DYRK3: variants seen among roughly 807,000 people sequenced by gnomAD.
The protein encoded by DYRK3 is dual specificity tyrosine-phosphorylation-regulated kinase 3.
A neutral mutation model predicts 40.8 loss-of-function variants in DYRK3; 30 were observed. That is an observed-to-expected ratio of 0.74 (90% CI 0.55 to 1.00). DYRK3 has a LOEUF of 1.00. DYRK3 is among the 50% of genes least tolerant of loss of function. The pLI, the probability that DYRK3 is intolerant of heterozygous loss-of-function variation, is 0.00. For missense variants in DYRK3, 699 were observed against 731.5 expected (o/e 0.96, Z 0.51); for synonymous variants, 272 against 260.7 (o/e 1.04, Z -0.42).
chr1:206,654,227 G>A lies in DYRK3; in HGVS notation c.*5262G>A, dbSNP rs1671698747. ...GGAAGTTGGAAAGGTGACAATGATT[G>A]TTCTAGACTGCCTCTGTAATGCTTT... is the stretch of plus-strand genomic sequence containing the variant. On this transcript the variant is annotated 3_prime_UTR_variant, in exon 3 of 3. Transcript: ENST00000367109. Among the ~76,000 whole-genome samples, 1 of 152,196 alleles carries A rather than the reference G, an allele frequency of 6.6e-6. No homozygotes were observed.
chr1:206,638,141 T>C (rs1671169721), intron 2 of DYRK3, among the ~76,000 whole-genome samples: 1 of 152,286 alleles, frequency 6.6e-6, no homozygotes, highest in South Asian at 2.1e-4. Flanking sequence ...GAGTTTTTTT[T>C]CCCCTGCACG....
chr1:206,636,159 C>T (rs1051088889), intron 1 of DYRK3: 2 of 960,422 alleles, frequency 2.1e-6, no homozygotes, highest in Admixed American at 1.9e-5. Flanking sequence ...TTGCTTAGAG[C>T]GGATAACCAA....
rs1671698807 is a variant in DYRK3, at chr1:206,654,230, C to T, written c.*5265C>T. Among the ~76,000 whole-genome samples, 1 of 152,202 alleles carries T rather than the reference C, an allele frequency of 6.6e-6. No individual in the cohort carries two copies. The highest frequency in any genetic ancestry group is 1.5e-5 in the Non-Finnish European group (1 of 68,042). Reference sequence around the variant, plus strand: ...AGTTGGAAAGGTGACAATGATTGTTCTAGACTGCCTCTGTAATGCTTTTTC... The same window carrying T: ...AGTTGGAAAGGTGACAATGATTGTTTTAGACTGCCTCTGTAATGCTTTTTC... On this transcript the variant is annotated 3_prime_UTR_variant, in exon 3 of 3. Transcript: ENST00000367109.
chr1:206,641,172 C>T (rs1267147716), intron 2 of DYRK3, among the ~76,000 whole-genome samples: 3 of 151,608 alleles, frequency 2.0e-5, no homozygotes, highest in Admixed American at 6.6e-5. Context: ...TTTTGGTGCA[C>T]CCATTACCCG....
chr1:206,650,043 T>A lies in DYRK3; in HGVS notation c.*1078T>A, dbSNP rs1414771012. On this transcript the variant is annotated 3_prime_UTR_variant, in exon 3 of 3. Coordinates refer to ENST00000367109, the MANE Select transcript of DYRK3 (RefSeq NM_003582.4). ...AAACTGGTGATAATCAAGTTTTCCC[T>A]TTTTATGTTTCTTAATTTTATTCTC... Among the ~76,000 whole-genome samples, 1 of 152,248 alleles carries A rather than the reference T, an allele frequency of 6.6e-6. No homozygotes were observed. Among genetic ancestry groups the A allele is most frequent in the East Asian group, 1.9e-4 (1 of 5,208 alleles).
intron 2 of DYRK3, 138 bp from the exon 3 acceptor site, chr1:206,647,250 T>G: frequency 1.1e-6 from 1 of 887,134 alleles, no homozygotes; most frequent in Non-Finnish European, 1.7e-6. Flanking sequence ...CTCTTGCTTT[T>G]CTTATCTTCT....
In DYRK3 at chr1:206,647,990, T is replaced by A. The variant is rs1553420506; in HGVS notation, c.792T>A (p.Asp264Glu). 6.2e-7 allele frequency: 1 copy of A among 1,614,042 alleles called. No individual in the cohort carries two copies. The change falls in exon 3 of 3, where the codon GAT becomes GAA. Residue 264 changes from aspartate (D) to glutamate (E), a missense_variant. Asp to Glu is a conservative substitution (Grantham distance 45). Coordinates refer to ENST00000367109, the MANE Select transcript of DYRK3 (RefSeq NM_003582.4). ...TTTTGGAGCATCTTAAGAAACAGGA[T>A]AAAACTGGTAGTATGAACGTTATCC... The part of the protein sequence containing the change: ...IRILEHLKKQ[D>E]KTGSMNVIHM...
At chr1:206,643,553 A>G (rs1052249563) in intron 2 of DYRK3, among the ~76,000 whole-genome samples, 4 of 152,198 alleles carry the variant, frequency 2.6e-5, no homozygotes, top group Admixed American at 6.5e-5. Flanking sequence ...TGGTAACTTC[A>G]GTTCCTAGAG....
rs116161593 is a variant in DYRK3 at position 206,637,126 on chromosome 1, A to G, written c.78-524A>G. Reference sequence around the variant, plus strand: ...AGGCCTTTTATTTCTTGCCTGTAAGACCCAGAAGTGTGAAGACTGGAGCTA... The same window carrying G: ...AGGCCTTTTATTTCTTGCCTGTAAGGCCCAGAAGTGTGAAGACTGGAGCTA... On this transcript the variant is annotated intron_variant, in intron 1 of 2. Transcript: ENST00000367109. 4.5e-3 allele frequency among the ~76,000 whole-genome samples: 685 copies of G among 152,368 alleles called. 6 individuals are homozygous for G. The highest frequency in any genetic ancestry group is 0.015 in the African/African-American group (636 of 41,588).
chr1:206,636,047 G>C, intron 1 of DYRK3: 1 of 1,484,822 alleles, frequency 6.7e-7, no homozygotes, highest in Non-Finnish European at 9.0e-7. Context: ...TGAAACCCTA[G>C]ATCGGGGTAT....
In DYRK3 at chr1:206,654,189, A is replaced by G. The variant is rs1300591611; in HGVS notation, c.*5224A>G. 1.3e-5 allele frequency among the ~76,000 whole-genome samples: 2 copies of G among 152,198 alleles called. No individual in the cohort carries two copies. Among genetic ancestry groups the G allele is most frequent in the African/African-American group, 4.8e-5 (2 of 41,450 alleles). ...ATTATTTCTTTTCCATCTGTTATTG[A>G]TGTCATCAACACGGAAGTTGGAAAG... On this transcript the variant is annotated 3_prime_UTR_variant, in exon 3 of 3. Coordinates refer to ENST00000367109, the MANE Select transcript of DYRK3 (RefSeq NM_003582.4).
chr1:206,637,105 C>T (rs1018444023), intron 1 of DYRK3: 1 of 635,116 alleles, frequency 1.6e-6, no homozygotes, highest in Non-Finnish European at 2.8e-6. Context: ...TTAAAAAGGC[C>T]TTTTATTTCT....
At chr1:206,640,438 G>A (rs1300251843) in intron 2 of DYRK3, among the ~76,000 whole-genome samples, 1 of 152,020 alleles carries the variant, frequency 6.6e-6, no homozygotes, top group African/African-American at 2.4e-5. Context: ...CTTTTATTGG[G>A]TTAAGTTTTG....
At chr1:206,641,059 AC>A (rs1357255099) in intron 2 of DYRK3, among the ~76,000 whole-genome samples, 1 of 151,882 alleles carries the variant, frequency 6.6e-6, no homozygotes, top group Non-Finnish European at 1.5e-5. Flanking sequence ...TGTGATTATA[AC>A]CCTAGACTAG....
At chr1:206,645,687 T>G (rs899093160) in intron 2 of DYRK3, among the ~76,000 whole-genome samples, 1 of 151,016 alleles carries the variant, frequency 6.6e-6, no homozygotes, top group Non-Finnish European at 1.5e-5. Context: ...TCTGGCTTTT[T>G]TTTTTTTTTT....
At chr1:206,642,003 G>C (rs1204465458) in intron 2 of DYRK3, among the ~76,000 whole-genome samples, 2 of 150,642 alleles carry the variant, frequency 1.3e-5, no homozygotes, top group East Asian at 4.0e-4. Flanking sequence ...CCTACAGAAT[G>C]GGAGAAAATT....
chr1:206,641,825 C>T (rs1553419396), intron 2 of DYRK3, among the ~76,000 whole-genome samples: 1 of 150,544 alleles, frequency 6.6e-6, no homozygotes, highest in African/African-American at 2.5e-5. Context: ...CATAAAAACC[C>T]TAGAAGAAAA....
rs1371400868 is a variant in DYRK3 at position 206,635,538 on chromosome 1, T to G, written c.-166T>G. On this transcript the variant is annotated 5_prime_UTR_variant, in exon 1 of 3. Transcript: ENST00000367109. ...CGCCCCTGGAGCTGCGTCTCCCCAC[T>G]TCCCAGCCGGGGCCAGTCGGGAGCG... The G allele has an allele frequency of 1.1e-5, 10 of 922,556 alleles. No individual in the cohort carries two copies. Among genetic ancestry groups the G allele is most frequent in the African/African-American group, 3.4e-5 (2 of 58,374 alleles). The allele number at this position is 922,556 out of a possible 1,614,324, so 57.1% of individuals were successfully genotyped here.
rs200713840 is a variant in DYRK3, at chr1:206,648,816, C to A, written c.1618C>A (p.Arg540=). 2.5e-6 allele frequency: 4 copies of A among 1,614,070 alleles called. No homozygotes were observed. The Admixed American group carries it at 6.7e-5, about 27-fold the overall frequency. The change falls in exon 3 of 3, where the codon CGG becomes AGG. Residue 540 remains arginine (R), a synonymous_variant. Coordinates refer to ENST00000367109, the MANE Select transcript of DYRK3 (RefSeq NM_003582.4). The part of the protein sequence containing the change: ...LTTIDKVSGK[R]VVNPASAFQG... Reference sequence around the variant, plus strand: ...CACCATAGACAAGGTGTCAGGGAAACGGGTAGTTAATCCTGCAAGTGCTTT... The same window carrying A: ...CACCATAGACAAGGTGTCAGGGAAAAGGGTAGTTAATCCTGCAAGTGCTTT...
Sources: allele counts gnomAD v4.1 joint callset (sites outside exome capture counted in the v4.1 genomes callset), GRCh38; gene constraint gnomAD v4.1.1; transcripts MANE v1.5; gene names NCBI Gene and HGNC (gene_info 2026-07-23, HGNC 2026-07-21).